Variants in DIP2B observed in about 807,000 individuals in gnomAD.
The protein encoded by DIP2B is DIP2 acetate--CoA ligase B (putative).
A neutral mutation model predicts 198.0 loss-of-function variants in DIP2B; 76 were observed. The observed-to-expected ratio is 0.38, with a 90% CI of 0.32 to 0.46. The LOEUF (loss-of-function observed/expected upper bound fraction) is 0.46, where lower values mean the gene tolerates loss of function less well. DIP2B is among the 20% of genes least tolerant of loss of function. DIP2B has a pLI of 0.99. For synonymous variants in DIP2B, 701 were observed against 739.1 expected, an observed-to-expected ratio of 0.95 and a Z score of 0.84; for missense variants, 1,559 against 1,978.4, an observed-to-expected ratio of 0.79 and a Z score of 4.02.
Position 50,705,521 on chromosome 12 carries a change from C to A in DIP2B, c.2407-1017C>A, listed in dbSNP as rs548834890. On this transcript the variant is annotated intron_variant, in intron 20 of 37. Coordinates refer to ENST00000301180, the MANE Select transcript of DIP2B (RefSeq NM_173602.3). The stretch of plus-strand genomic sequence containing the variant: ...CCTTGAAGCTGCTGTGCAACACTTT[C>A]ACTTATTGGTCTGAACTAGTCCTGC... Among the ~76,000 whole-genome samples the A allele has an allele frequency of 5.8e-4, 88 of 152,350 alleles. 1 individual carries two copies. The highest frequency in any genetic ancestry group is 6.8e-3 in the Middle Eastern group (2 of 294).
At chr12:50,665,102 A>G (rs955182602) in intron 4 of DIP2B, among the ~76,000 whole-genome samples, 2 of 151,798 alleles carry the variant, frequency 1.3e-5, no homozygotes, top group Non-Finnish European at 2.9e-5. Context: ...AGATTCTCCA[A>G]AGTGTTGGGA....
intron 1 of DIP2B, among the ~76,000 whole-genome samples, chr12:50,616,126 A>T (rs546573202): frequency 6.6e-6 from 1 of 152,358 alleles, no homozygotes; most frequent in Non-Finnish European, 1.5e-5. Context: ...AAGAAGTCAC[A>T]TATGTTTGAC....
chr12:50,599,291 CAAAA>C (rs531175439), intron 1 of DIP2B, among the ~76,000 whole-genome samples: 1 of 99,756 alleles, frequency 1.0e-5, no homozygotes, highest in Non-Finnish European at 2.0e-5. Context: ...GACCCTGTCT[CAAAA>C]AAAAAAAAAA....
intron 1 of DIP2B, among the ~76,000 whole-genome samples, chr12:50,590,199 A>G (rs1958807158): frequency 6.6e-6 from 1 of 151,282 alleles, no homozygotes; most frequent in Non-Finnish European, 1.5e-5. Context: ...GGATCCCACT[A>G]TGTTGCCCAG....
intron 3 of DIP2B, among the ~76,000 whole-genome samples, chr12:50,648,789 A>G (rs1479179833): frequency 2.0e-5 from 3 of 151,628 alleles, no homozygotes; most frequent in Non-Finnish European, 4.4e-5. Context: ...GTGCAGATGG[A>G]CAAGAAAAAT....
At position 50,721,332 on chromosome 12, in the gene DIP2B, A is replaced by T. The variant is rs150940631; in HGVS notation, c.3102A>T (p.Ala1034=). The change falls in exon 26 of 38, where the codon GCA becomes GCT. Residue 1034 remains alanine (A), a synonymous_variant. Transcript: ENST00000301180. ...LQLHKRAERI[A]SVLGDKGHLN... ...TTCATAAGCGAGCAGAGAGGATTGC[A>T]TCTGTTCTTGGTGATAAGGGACATC... The T allele has an allele frequency of 7.4e-6, 12 of 1,614,182 alleles. No homozygotes were observed. The highest frequency in any genetic ancestry group is 1.6e-4 in the Middle Eastern group (1 of 6,062).
chr12:50,670,486 G>T (rs560475800), intron 4 of DIP2B, among the ~76,000 whole-genome samples: 25 of 152,024 alleles, frequency 1.6e-4, no homozygotes, highest in Admixed American at 1.2e-3. Context: ...TGCGATCGTG[G>T]CTCACCGAAA....
At chr12:50,614,767 G>A (rs114579949) in intron 1 of DIP2B, among the ~76,000 whole-genome samples, 300 of 152,292 alleles carry the variant, frequency 2.0e-3, no homozygotes, top group African/African-American at 7.0e-3. Context: ...AACACAGAAT[G>A]GTGATGTTTA....
rs766032242 is a variant in DIP2B, at chr12:50,718,978, A to G, written c.2985A>G (p.Leu995=). 11 of 1,614,212 alleles carry G rather than the reference A, an allele frequency of 6.8e-6. No homozygotes were observed. The highest frequency in any genetic ancestry group is 1.1e-5 in the South Asian group (1 of 91,086). ...AGCACCAGTTTCTGGCAGAGATCCTACAGTGGCGAGCCCAGGCGACTCCTG... is the reference window on the plus strand; with the variant it reads ...AGCACCAGTTTCTGGCAGAGATCCTGCAGTGGCGAGCCCAGGCGACTCCTG... ...VRKHQFLAEI[L]QWRAQATPDH... The change falls in exon 25 of 38, where the codon CTA becomes CTG. Residue 995 remains leucine, a synonymous_variant. Coordinates refer to ENST00000301180, the MANE Select transcript of DIP2B (RefSeq NM_173602.3).
chr12:50,683,345 C>T (rs1939077279), intron 10 of DIP2B, 97 bp downstream of exon 10: 6 of 977,184 alleles, frequency 6.1e-6, no homozygotes, highest in Non-Finnish European at 9.2e-6. Flanking sequence ...AACTGTTCGA[C>T]CATTTTTGGA....
intron 1 of DIP2B, among the ~76,000 whole-genome samples, chr12:50,620,625 GTATTTAT>G (rs1022042459): frequency 4.8e-5 from 7 of 144,350 alleles, no homozygotes; most frequent in Non-Finnish European, 9.3e-5. Flanking sequence ...AATCCTCCCT[GTATTTAT>G]TTCTCAAAAA....
At chr12:50,576,210 C>T (rs1238494419) in intron 1 of DIP2B, among the ~76,000 whole-genome samples, 1 of 151,600 alleles carries the variant, frequency 6.6e-6, no homozygotes, top group African/African-American at 2.4e-5. Flanking sequence ...GCTAGGATTA[C>T]AGGCACGTGC....
Position 50,718,719 on chromosome 12 carries a change from T to C in DIP2B, c.2862T>C (p.Pro954=). The change falls in exon 24 of 38, where the codon CCT becomes CCC. Residue 954 remains proline (P), a synonymous_variant. Transcript: ENST00000301180. ...KPRQKQPGVG[P]ASVMVGNLVA... Reference sequence around the variant, plus strand: ...TGCATTTATTTACAGGTGTAGGCCCTGCTTCCGTGATGGTTGGGAATCTGG... The same window carrying C: ...TGCATTTATTTACAGGTGTAGGCCCCGCTTCCGTGATGGTTGGGAATCTGG... 1 of 1,614,142 alleles carries C rather than the reference T, an allele frequency of 6.2e-7. No homozygotes were observed. Among genetic ancestry groups the C allele is most frequent in the African/African-American group, 1.3e-5 (1 of 75,054 alleles).
At chr12:50,513,739 T>A (rs1958038777) in intron 1 of DIP2B, among the ~76,000 whole-genome samples, 1 of 151,954 alleles carries the variant, frequency 6.6e-6, no homozygotes, top group South Asian at 2.1e-4. Flanking sequence ...CCGGGCATGG[T>A]GGCAGGCGCC....
intron 5 of DIP2B, among the ~76,000 whole-genome samples, chr12:50,671,833 T>C (rs1938860411): frequency 1.3e-5 from 2 of 152,226 alleles, no homozygotes; most frequent in African/African-American, 2.4e-5. Flanking sequence ...GTGAGGACTT[T>C]TGTCTTGACT....
At chr12:50,676,429 ATC>A (rs1368234030) in intron 7 of DIP2B, among the ~76,000 whole-genome samples, 20 of 152,326 alleles carry the variant, frequency 1.3e-4, no homozygotes, top group Admixed American at 5.2e-4. Flanking sequence ...TAAGATGAGT[ATC>A]TGTTTTTTTA....
At chr12:50,613,230 T>C (rs7307419) in intron 1 of DIP2B, among the ~76,000 whole-genome samples, 44,102 of 152,018 alleles carry the variant, frequency 0.29, 6,596 homozygotes, top group East Asian at 0.39. Flanking sequence ...CACTTTCCCA[T>C]CTGGAAACTG....
intron 36 of DIP2B, among the ~76,000 whole-genome samples, chr12:50,741,181 A>G (rs1046236465): frequency 3.3e-5 from 5 of 152,226 alleles, no homozygotes; most frequent in Admixed American, 6.5e-5. Flanking sequence ...ACCACATACC[A>G]TATTAACTAC....
At chr12:50,620,489 C>T (rs933875877) in intron 1 of DIP2B, among the ~76,000 whole-genome samples, 7 of 152,138 alleles carry the variant, frequency 4.6e-5, no homozygotes, top group Non-Finnish European at 1.0e-4. Flanking sequence ...GTCGCAGACT[C>T]GCCACGACCA....
Sources: gnomAD v4.1 joint callset for allele counts (sites outside exome capture counted in the v4.1 genomes callset) on GRCh38, gnomAD v4.1.1 for gene constraint, MANE v1.5 for transcripts, NCBI Gene and HGNC (gene_info 2026-07-23, HGNC 2026-07-21) for gene names.